Variants in SYNE2 observed in about 807,000 individuals in gnomAD.
SYNE2 encodes nesprin-2.
In SYNE2, 431 loss-of-function variants were observed where a neutral mutation model predicts 856.3. The ratio of observed to expected loss-of-function variants is 0.50; its 90% CI spans 0.47 to 0.55. The LOEUF is 0.55. Ranked by LOEUF, SYNE2 falls within the 20% of genes least tolerant of loss-of-function variation. The probability of loss-of-function intolerance (pLI) is 0.00; values close to 1 mark genes in which losing one functional copy is unlikely to be tolerated. For missense variants in SYNE2, 8,129 were observed against 8,023.2 expected, an observed-to-expected ratio of 1.01 and a Z score of -0.50; for synonymous variants, 2,923 against 2,872.3, an observed-to-expected ratio of 1.02 and a Z score of -0.56.
chr14:64,126,176 G>A (rs1322919594), intron 71 of SYNE2, 151 bp from the exon 72 acceptor site: 7 of 671,692 alleles, frequency 1.0e-5, no homozygotes, highest in African/African-American at 9.1e-5. Context: ...TTATTTATTT[G>A]TTCTGCTACC....
At chr14:63,778,575 C>G (rs1471448993) in intron 1 of SYNE2, among the ~76,000 whole-genome samples, 1 of 152,054 alleles carries the variant, frequency 6.6e-6, no homozygotes, top group Admixed American at 6.6e-5. Flanking sequence ...AGTGCAGTGG[C>G]ATGATTATAG....
At chr14:63,803,598 C>G (rs897093080) in intron 1 of SYNE2, among the ~76,000 whole-genome samples, 3 of 152,250 alleles carry the variant, frequency 2.0e-5, no homozygotes, top group Non-Finnish European at 2.9e-5. Context: ...GGAACTCCAG[C>G]TGGCCTGCAA....
intron 80 of SYNE2, 125 bp from the exon 81 acceptor site, chr14:64,141,216 G>A: frequency 5.5e-6 from 4 of 731,168 alleles, no homozygotes; most frequent in Non-Finnish European, 9.0e-6. Context: ...AGGGGTGTGT[G>A]TGTGTGTGTG....
chr14:63,846,654 G>A (rs1460565178), intron 1 of SYNE2, among the ~76,000 whole-genome samples: 7 of 151,520 alleles, frequency 4.6e-5, no homozygotes, highest in African/African-American at 1.7e-4. Context: ...GGAGTGTAGC[G>A]GCACAATCTC....
chr14:63,770,363 T>C (rs1054099595), intron 1 of SYNE2, among the ~76,000 whole-genome samples: 1 of 152,204 alleles, frequency 6.6e-6, no homozygotes, highest in African/African-American at 2.4e-5. Flanking sequence ...CTATGCCACA[T>C]TCATCGACCT....
intron 1 of SYNE2, among the ~76,000 whole-genome samples, chr14:63,794,102 A>G (rs1887833845): frequency 6.6e-6 from 1 of 151,814 alleles, no homozygotes; most frequent in Non-Finnish European, 1.5e-5. Context: ...TCCTTCTAAC[A>G]ACAGAGCCCC....
At chr14:64,068,003 C>T (rs934703565) in intron 51 of SYNE2, among the ~76,000 whole-genome samples, 5 of 152,076 alleles carry the variant, frequency 3.3e-5, no homozygotes, top group East Asian at 1.9e-4. Flanking sequence ...CTCTCTAGAC[C>T]GGACTTTACA....
At chr14:64,049,580 T>C in intron 46 of SYNE2, 31 bp from the exon 47 acceptor site, 1 of 1,611,088 alleles carries the variant, frequency 6.2e-7, no homozygotes, top group Non-Finnish European at 8.5e-7. Context: ...AAGTGAGTGT[T>C]TATTGACTGA....
At chr14:64,047,728 T>C (rs1280167269) in intron 45 of SYNE2, among the ~76,000 whole-genome samples, 2 of 152,226 alleles carry the variant, frequency 1.3e-5, no homozygotes, top group Non-Finnish European at 2.9e-5. Context: ...TTTTAAATAC[T>C]TTTTTCTGTC....
At chr14:64,199,730 A>AAAAAAT (rs2098553981) in intron 99 of SYNE2, among the ~76,000 whole-genome samples, 1 of 151,556 alleles carries the variant, frequency 6.6e-6, no homozygotes, top group African/African-American at 2.4e-5. Context: ...AAAAAAAAAA[A>AAAAAAT]AAAAAAGTAC....
At chr14:63,862,010 C>T (rs1336965465) in intron 1 of SYNE2, among the ~76,000 whole-genome samples, 1 of 152,188 alleles carries the variant, frequency 6.6e-6, no homozygotes, top group Admixed American at 6.5e-5. Context: ...TGGTTTTACC[C>T]AGGTCCTCAC....
At chr14:63,852,986 A>G (rs886050574), upstream of SYNE2, 1 of 151,660 alleles carries the variant, frequency 6.6e-6, no homozygotes, top group African/African-American at 2.4e-5. Flanking sequence ...TCCGAGCGCC[A>G]AGGAGCGGAG....
intron 6 of SYNE2, among the ~76,000 whole-genome samples, chr14:63,948,156 G>GACACACACACACACACACACACAC (rs151256085): frequency 8.0e-6 from 1 of 124,336 alleles, no homozygotes; most frequent in African/African-American, 2.9e-5. Context: ...TACACACACA[G>GACACACACACACACACACACACAC]ACACACACAT....
In SYNE2 at chr14:63,935,233, A is replaced by T. The variant is rs2095815782; in HGVS notation, c.80-5381A>T. Among the ~76,000 whole-genome samples the T allele has an allele frequency of 2.6e-5, 4 of 152,316 alleles. No individual in the cohort carries two copies. In the South Asian group the frequency reaches 8.3e-4, roughly 32 times the overall value. ...AAAGCCTGAATTATCCAGTTGGCTA[A>T]TCAGAACTCAATTTAGTTCAGTTAG... is the stretch of plus-strand genomic sequence containing the variant. On this transcript the variant is annotated intron_variant, in intron 2 of 115. Coordinates refer to ENST00000555002, the MANE Select transcript of SYNE2 (RefSeq NM_182914.3).
upstream of SYNE2, among the ~76,000 whole-genome samples, chr14:63,848,037 C>A (rs1183407324): frequency 3.9e-5 from 6 of 152,304 alleles, no homozygotes; most frequent in African/African-American, 1.4e-4. Context: ...CAGGCGCTCA[C>A]CACCATGCCT....
intron 1 of SYNE2, among the ~76,000 whole-genome samples, chr14:63,819,744 G>T (rs1889142530): frequency 6.6e-6 from 1 of 151,866 alleles, no homozygotes; most frequent in African/African-American, 2.4e-5. Context: ...CACCGTGTTA[G>T]CCAGGATGGT....
chr14:64,175,120 G>T lies in SYNE2; in HGVS notation c.17412G>T (p.Gln5804His). Reference sequence around the variant, plus strand: ...CCCAGCTGGCAGAGATGATTAAGCAGTTCCAGAGCACTGTAGAGGTAAACT... The same window carrying T: ...CCCAGCTGGCAGAGATGATTAAGCATTTCCAGAGCACTGTAGAGGTAAACT... ...MEPQLAEMIK[Q>H]FQSTVETWDQ... is the part of the protein sequence containing the mutation. The change falls in exon 95 of 116, where the codon CAG becomes CAT. Residue 5804 changes from glutamine to histidine, a missense_variant. Gln to His is a conservative substitution (Grantham distance 24, BLOSUM62 0). Coordinates refer to ENST00000555002, the MANE Select transcript of SYNE2 (RefSeq NM_182914.3). The T allele has an allele frequency of 6.2e-7, 1 of 1,614,020 alleles. No homozygotes were observed. The highest frequency in any genetic ancestry group is 8.5e-7 in the Non-Finnish European group (1 of 1,179,922).
intron 85 of SYNE2, among the ~76,000 whole-genome samples, chr14:64,154,008 A>G (rs1439239923): frequency 6.6e-6 from 1 of 152,128 alleles, no homozygotes; most frequent in African/African-American, 2.4e-5. Context: ...CTGCATTCAT[A>G]CAATATACAA....
chr14:64,225,648 T>C lies in SYNE2; in HGVS notation c.*122T>C. The C allele has an allele frequency of 8.0e-6, 9 of 1,124,292 alleles. No homozygotes were observed. The highest frequency in any genetic ancestry group is 1.2e-5 in the Non-Finnish European group (9 of 758,800). 69.6% of individuals were successfully genotyped at this position (1,124,292 alleles called of 1,614,324 possible). ...GGTCCCGGGACCTGTGCAGACTTCT[T>C]CTGGGCTTACCCAGCACGGGCTCCC... On this transcript the variant is annotated 3_prime_UTR_variant, in exon 116 of 116. Transcript: ENST00000555002.
Sources: allele counts gnomAD v4.1 joint callset (sites outside exome capture counted in the v4.1 genomes callset), GRCh38; gene constraint gnomAD v4.1.1; transcripts MANE v1.5; gene names NCBI Gene and HGNC (gene_info 2026-07-23, HGNC 2026-07-21).